ZBTB7C: variants seen among roughly 807,000 people sequenced by gnomAD.
ZBTB7C encodes the protein zinc finger and BTB domain containing 7C.
Under a neutral mutation model 25.7 loss-of-function variants are expected in ZBTB7C, and 8 were observed. The ratio of observed to expected loss-of-function variants is 0.31; its 90% CI spans 0.18 to 0.56. The LOEUF is 0.56. Among genes scored for constraint, ZBTB7C ranks in the 20% least tolerant of loss-of-function variants. The probability of loss-of-function intolerance (pLI) is 0.91; values close to 1 mark genes in which losing one functional copy is unlikely to be tolerated. For missense variants in ZBTB7C, 824 were observed against 855.2 expected (o/e 0.96, Z 0.46); for synonymous variants, 394 against 369.0 (o/e 1.07, Z -0.78).
intron 3 of ZBTB7C, chr18:48,149,165 CG>C (rs2040592349): frequency 6.6e-6 from 1 of 151,010 alleles, no homozygotes; most frequent in Non-Finnish European, 1.5e-5. Flanking sequence ...CACGTGTGTG[CG>C]AGTGTGTGCA....
chr18:48,088,733 G>C (rs983812132), intron 3 of ZBTB7C, among the ~76,000 whole-genome samples: 1 of 152,142 alleles, frequency 6.6e-6, no homozygotes, highest in African/African-American at 2.4e-5. Context: ...AGGAGGCTGA[G>C]GCACGAGAAT....
chr18:48,363,601 C>T (rs969739548), intron 1 of ZBTB7C, among the ~76,000 whole-genome samples: 1 of 152,130 alleles, frequency 6.6e-6, no homozygotes, highest in Non-Finnish European at 1.5e-5. Flanking sequence ...AAAATGAATC[C>T]TGTGACTGAG....
intron 3 of ZBTB7C, among the ~76,000 whole-genome samples, chr18:48,119,410 C>G (rs1283410174): frequency 6.6e-6 from 1 of 152,266 alleles, no homozygotes; most frequent in Admixed American, 6.5e-5. Context: ...TTCCTACTGC[C>G]AGCCCCATGC....
intron 2 of ZBTB7C, among the ~76,000 whole-genome samples, chr18:48,283,551 C>T (rs2044937956): frequency 6.6e-6 from 1 of 152,180 alleles, no homozygotes; most frequent in South Asian, 2.1e-4. Context: ...GGCTTAGGGC[C>T]TCCTCTCAGA....
At chr18:48,211,152 T>C (rs961475658) in intron 2 of ZBTB7C, among the ~76,000 whole-genome samples, 2 of 152,306 alleles carry the variant, frequency 1.3e-5, no homozygotes, top group Middle Eastern at 3.4e-3. Context: ...AAAATTAATC[T>C]AGACAAAGAC....
At chr18:48,272,003 C>A (rs2044503437) in intron 2 of ZBTB7C, among the ~76,000 whole-genome samples, 1 of 152,190 alleles carries the variant, frequency 6.6e-6, no homozygotes, top group Admixed American at 6.5e-5. Context: ...TAATTGGAAA[C>A]AAACAACATT....
chr18:48,027,028 G>C lies in ZBTB7C; in HGVS notation c.*2232C>G, dbSNP rs371764447. ...ACTTTGTTGAGTGTCATTTTACGTAGAGCAATCACATAAAAAAAGAGTTAT... is the reference window on the plus strand; with the variant it reads ...ACTTTGTTGAGTGTCATTTTACGTACAGCAATCACATAAAAAAAGAGTTAT... On this transcript the variant is annotated 3_prime_UTR_variant, in exon 5 of 5. Transcript: ENST00000590800. 2.0e-4 allele frequency: 29 copies of C among 148,454 alleles called. No homozygotes were observed. The highest frequency in any genetic ancestry group is 7.2e-4 in the African/African-American group (29 of 40,134). The allele number at this position is 148,454 out of a possible 1,614,324, so 9.2% of individuals were successfully genotyped here.
chr18:48,234,742 C>T (rs2043335497), intron 2 of ZBTB7C, among the ~76,000 whole-genome samples: 1 of 152,142 alleles, frequency 6.6e-6, no homozygotes. Flanking sequence ...CTTCTGTTTG[C>T]TTACCAGTTT....
chr18:48,247,890 C>A lies in ZBTB7C; in HGVS notation c.-78-61895G>T, dbSNP rs527347717. On this transcript the variant is annotated intron_variant, in intron 2 of 4. Coordinates refer to ENST00000590800, the MANE Select transcript of ZBTB7C (RefSeq NM_001318841.2). Reference sequence around the variant, plus strand: ...AGGTGCTGATATGTTTTGGCTGTGTCCTCACCCAAATCTCACCTTGAATTG... The same window carrying A: ...AGGTGCTGATATGTTTTGGCTGTGTACTCACCCAAATCTCACCTTGAATTG... 8.5e-5 allele frequency among the ~76,000 whole-genome samples: 13 copies of A among 152,324 alleles called. No individual in the cohort carries two copies. In the East Asian group the frequency reaches 2.3e-3, roughly 27 times the overall value.
upstream of ZBTB7C, among the ~76,000 whole-genome samples, chr18:48,411,202 G>A (rs2048381929): frequency 6.6e-6 from 1 of 152,174 alleles, no homozygotes; most frequent in Non-Finnish European, 1.5e-5. Flanking sequence ...TAGGGTTTGG[G>A]TACAATTATG....
At chr18:48,177,145 C>G (rs1021069748) in intron 3 of ZBTB7C, among the ~76,000 whole-genome samples, 2 of 152,226 alleles carry the variant, frequency 1.3e-5, no homozygotes, top group Non-Finnish European at 2.9e-5. Flanking sequence ...TTCCAAGAGC[C>G]ATTTCTGGCC....
intron 2 of ZBTB7C, among the ~76,000 whole-genome samples, chr18:48,309,190 G>A (rs1238378173): frequency 1.3e-5 from 2 of 152,180 alleles, no homozygotes; most frequent in African/African-American, 2.4e-5. Flanking sequence ...GAGTCCTGGA[G>A]ATCACCAAGG....
chr18:48,169,194 T>A (rs1273652231), intron 3 of ZBTB7C, among the ~76,000 whole-genome samples: 1 of 152,220 alleles, frequency 6.6e-6, no homozygotes, highest in African/African-American at 2.4e-5. Context: ...TGCATGCTCC[T>A]GCACGCATTG....
chr18:48,282,176 T>C (rs1345419150), intron 2 of ZBTB7C, among the ~76,000 whole-genome samples: 2 of 149,488 alleles, frequency 1.3e-5, no homozygotes, highest in South Asian at 4.3e-4. Context: ...ATGGATGAAA[T>C]TGGAAACCAT....
At chr18:48,193,635 G>A (rs2042251150) in intron 2 of ZBTB7C, among the ~76,000 whole-genome samples, 2 of 152,330 alleles carry the variant, frequency 1.3e-5, no homozygotes, top group Admixed American at 1.3e-4. Flanking sequence ...TCTCAGAGAT[G>A]ACTCCCCTGG....
chr18:48,264,570 G>A (rs965502026), intron 2 of ZBTB7C, among the ~76,000 whole-genome samples: 1 of 152,154 alleles, frequency 6.6e-6, no homozygotes, highest in Non-Finnish European at 1.5e-5. Context: ...TTTCCAATGT[G>A]CTGGAAAGCA....
chr18:48,226,526 A>C (rs1462333863), intron 2 of ZBTB7C, among the ~76,000 whole-genome samples: 2 of 152,124 alleles, frequency 1.3e-5, no homozygotes, highest in East Asian at 3.9e-4. Flanking sequence ...AAATGAGAAA[A>C]CTGAGGGCCA....
At chr18:48,298,502 C>T (rs1568361443) in intron 2 of ZBTB7C, among the ~76,000 whole-genome samples, 1 of 152,156 alleles carries the variant, frequency 6.6e-6, no homozygotes, top group Non-Finnish European at 1.5e-5. Context: ...GGGACACATC[C>T]AGCCATGCTT....
intron 3 of ZBTB7C, among the ~76,000 whole-genome samples, chr18:48,144,239 A>T (rs1598964065): frequency 6.6e-6 from 1 of 152,028 alleles, no homozygotes; most frequent in Non-Finnish European, 1.5e-5. Context: ...AGATTGCACC[A>T]CTGCACTCTA....
Sources: gnomAD v4.1 joint callset for allele counts (sites outside exome capture counted in the v4.1 genomes callset) on GRCh38, gnomAD v4.1.1 for gene constraint, MANE v1.5 for transcripts, NCBI Gene and HGNC (gene_info 2026-07-23, HGNC 2026-07-21) for gene names.